Variants in UNC80 observed in about 807,000 individuals in gnomAD.
The protein encoded by UNC80 is protein unc-80 homolog.
UNC80 carries 164 observed loss-of-function variants against 384.6 expected under a neutral mutation model. The observed-to-expected ratio is 0.43, with a 90% CI of 0.38 to 0.49. The LOEUF is 0.49. Among genes scored for constraint, UNC80 ranks in the 20% least tolerant of loss-of-function variants. UNC80 has a pLI of 0.00. For synonymous variants in UNC80, 1,486 were observed against 1,527.8 expected, an observed-to-expected ratio of 0.97 and a Z score of 0.64; for missense variants, 3,330 against 4,143.0, an observed-to-expected ratio of 0.80 and a Z score of 5.39.
At position 209,835,567 on chromosome 2, in the gene UNC80, T is replaced by C. The variant is rs146803156; in HGVS notation, c.3041+557T>C. On this transcript the variant is annotated intron_variant, in intron 18 of 64. Transcript: ENST00000673920. ...AAAATCAAAAACATCTTTAAATTAG[T>C]GCCCCCAGAAAATATAAGGGTTATC... Among the ~76,000 whole-genome samples, 6 of 152,310 alleles carry C rather than the reference T, an allele frequency of 3.9e-5. No individual in the cohort carries two copies. In the East Asian group the frequency reaches 1.2e-3, roughly 29 times the overall value.
At chr2:209,876,669 G>T (rs915241513) in intron 23 of UNC80, among the ~76,000 whole-genome samples, 2 of 152,130 alleles carry the variant, frequency 1.3e-5, no homozygotes, top group Non-Finnish European at 2.9e-5. Context: ...CCTTAACAGA[G>T]GATCTCCAAA....
chr2:209,896,242 A>G (rs2124918348), intron 27 of UNC80, 71 bp from the exon 28 acceptor site: 1 of 1,364,664 alleles, frequency 7.3e-7, no homozygotes, highest in Non-Finnish European at 1.0e-6. Flanking sequence ...AGCATGGACA[A>G]CTGTACCATA....
At chr2:209,947,852 T>C (rs1006672524) in intron 47 of UNC80, among the ~76,000 whole-genome samples, 9 of 152,168 alleles carry the variant, frequency 5.9e-5, no homozygotes, top group Non-Finnish European at 1.3e-4. Flanking sequence ...AAAAATCAGA[T>C]AGAGGCACTA....
chr2:209,972,928 T>C (rs1007321121), intron 55 of UNC80, 136 bp from the exon 56 acceptor site: 9 of 747,268 alleles, frequency 1.2e-5, no homozygotes, highest in Admixed American at 1.1e-4. Flanking sequence ...GAAGCTGTAC[T>C]TGATGGGAAA....
At chr2:209,971,816 G>T (rs1559417780) in intron 54 of UNC80, among the ~76,000 whole-genome samples, 1 of 152,240 alleles carries the variant, frequency 6.6e-6, no homozygotes, top group Non-Finnish European at 1.5e-5. Flanking sequence ...CATGGCAGGG[G>T]CCAGAGGAAT....
chr2:209,899,534 T>A (rs117335318), intron 28 of UNC80, among the ~76,000 whole-genome samples: 1 of 152,304 alleles, frequency 6.6e-6, no homozygotes, highest in East Asian at 1.9e-4. Context: ...GTTTTCTCTT[T>A]CCAGAGAGGA....
In UNC80 at chr2:209,976,037, T is replaced by G; in HGVS notation, c.8588-82T>G. ...TAGAAATTTAGAAAATTTCTAAAGG[T>G]GCATAAAGGGCTCTGGATGTAGGTT... is the stretch of plus-strand genomic sequence containing the variant. On this transcript the variant is annotated intron_variant, in intron 56 of 64. Transcript: ENST00000673920. This position sits in a 1 kb window ranked among gnomAD's most constrained non-coding sequence, Gnocchi z 4.3. 1 of 1,396,504 alleles carries G rather than the reference T, an allele frequency of 7.2e-7. No homozygotes were observed. Among genetic ancestry groups the G allele is most frequent in the Non-Finnish European group, 9.5e-7 (1 of 1,051,642 alleles). 86.5% of individuals were successfully genotyped at this position (1,396,504 alleles called of 1,614,324 possible). A position where few individuals can be genotyped will look rare whatever the true frequency, so the allele number is the denominator to read the frequency against.
chr2:209,804,326 T>C (rs1436817705), intron 7 of UNC80, among the ~76,000 whole-genome samples: 2 of 152,192 alleles, frequency 1.3e-5, no homozygotes, highest in African/African-American at 4.8e-5. Context: ...CTCAGTGCTA[T>C]TCCTGCCCAT....
At chr2:209,936,626 GTATATATATGTGTA>G (rs1412642385) in intron 40 of UNC80, among the ~76,000 whole-genome samples, 2 of 151,826 alleles carry the variant, frequency 1.3e-5, no homozygotes, top group East Asian at 3.9e-4. Context: ...TGGTATGTGT[GTATATATATGTGTA>G]TATATATATG....
chr2:209,782,488 C>A (rs1245964381), intron 4 of UNC80, among the ~76,000 whole-genome samples: 1 of 151,916 alleles, frequency 6.6e-6, no homozygotes, highest in Non-Finnish European at 1.5e-5. Context: ...CTAGGTACAG[C>A]TTTATTGTTA....
chr2:209,994,513 T>A (rs1271202529), intron 64 of UNC80, among the ~76,000 whole-genome samples: 1 of 152,170 alleles, frequency 6.6e-6, no homozygotes, highest in Non-Finnish European at 1.5e-5. Context: ...AGGAAATACT[T>A]TGCAGCTAAA....
At chr2:209,794,581 G>A (rs1414795771) in intron 7 of UNC80, among the ~76,000 whole-genome samples, 1 of 152,102 alleles carries the variant, frequency 6.6e-6, no homozygotes, top group Non-Finnish European at 1.5e-5. Context: ...GTTTTGTATG[G>A]TTTGGCTGTG....
chr2:209,802,689 C>T (rs2078639005), intron 7 of UNC80, among the ~76,000 whole-genome samples: 1 of 142,938 alleles, frequency 7.0e-6, no homozygotes, highest in Non-Finnish European at 1.5e-5. Flanking sequence ...TTTAACTTCT[C>T]TGTAACACAC....
chr2:209,821,143 G>C (rs539351143), intron 13 of UNC80, among the ~76,000 whole-genome samples: 28 of 133,206 alleles, frequency 2.1e-4, no homozygotes, highest in African/African-American at 9.8e-4. Flanking sequence ...GTCAGGTTTA[G>C]TTTTATTCTG....
intron 51 of UNC80, among the ~76,000 whole-genome samples, chr2:209,965,700 C>A (rs948676354): frequency 6.6e-6 from 1 of 151,938 alleles, no homozygotes; most frequent in African/African-American, 2.4e-5. Flanking sequence ...GGATTACAGG[C>A]GTGAGCCAAC....
chr2:209,946,686 A>G (rs2091930920), intron 47 of UNC80, among the ~76,000 whole-genome samples: 1 of 152,246 alleles, frequency 6.6e-6, no homozygotes, highest in Non-Finnish European at 1.5e-5. Context: ...AGAGAATTCA[A>G]AGACTCACAT....
chr2:209,915,060 T>C (rs2089365700), intron 31 of UNC80, among the ~76,000 whole-genome samples: 1 of 151,894 alleles, frequency 6.6e-6, no homozygotes, highest in Admixed American at 6.6e-5. Context: ...TCCCCAAATG[T>C]GGGATAGTCA....
At chr2:209,914,415 T>C (rs2089282922) in intron 31 of UNC80, among the ~76,000 whole-genome samples, 1 of 152,224 alleles carries the variant, frequency 6.6e-6, no homozygotes, top group Non-Finnish European at 1.5e-5. Flanking sequence ...ATGTGTATTC[T>C]TCATTTTTCC....
rs910897668 is a variant in UNC80, at chr2:209,918,630, G to T, written c.5310G>T (p.Gly1770=). ...CACCGTGGGTTCCTCAGTGCAGCGG[G>T]AGTGTCCAGGACCCCATTAATGAAG... ...FDPPWVPQCS[G]SVQDPINEDQ... Residue 1770 remains glycine (G), a synonymous_variant, in exon 33 of 65, where the codon GGG becomes GGT. Transcript: ENST00000673920. 6.4e-7 allele frequency: 1 copy of T among 1,551,608 alleles called. No individual in the cohort carries two copies. The highest frequency in any genetic ancestry group is 1.4e-5 in the African/African-American group (1 of 73,038).
Sources: gnomAD v4.1 joint callset for allele counts (sites outside exome capture counted in the v4.1 genomes callset) on GRCh38, gnomAD v4.1.1 for gene constraint, Gnocchi (gnomAD v3.1) non-coding constraint, MANE v1.5 for transcripts, NCBI Gene and HGNC (gene_info 2026-07-23, HGNC 2026-07-21) for gene names.